SLC2A13: variants seen among roughly 807,000 people sequenced by gnomAD.
SLC2A13 encodes proton myo-inositol cotransporter.
Under a neutral mutation model 64.4 loss-of-function variants are expected in SLC2A13, and 32 were observed. The ratio of observed to expected loss-of-function variants is 0.50; its 90% CI spans 0.37 to 0.67. The LOEUF is 0.67. Among genes scored for constraint, SLC2A13 ranks in the 30% least tolerant of loss-of-function variants. The pLI, the probability that SLC2A13 is intolerant of heterozygous loss-of-function variation, is 0.00. For missense variants in SLC2A13, 743 were observed against 829.2 expected (o/e 0.90, Z 1.28); for synonymous variants, 338 against 327.1 (o/e 1.03, Z -0.36).
At chr12:39,987,789 C>T (rs1045289324) in intron 3 of SLC2A13, among the ~76,000 whole-genome samples, 5 of 151,994 alleles carry the variant, frequency 3.3e-5, no homozygotes, top group African/African-American at 7.2e-5. Context: ...TAATATAATG[C>T]TGTCATATAC....
At chr12:39,792,655 G>C (rs1372194595) in intron 7 of SLC2A13, among the ~76,000 whole-genome samples, 3 of 152,080 alleles carry the variant, frequency 2.0e-5, no homozygotes, top group Non-Finnish European at 4.4e-5. Context: ...ACATACTCAA[G>C]TCCTGCAGTT....
intron 3 of SLC2A13, among the ~76,000 whole-genome samples, chr12:39,952,230 C>T (rs1242201058): frequency 6.6e-6 from 1 of 152,094 alleles, no homozygotes; most frequent in Non-Finnish European, 1.5e-5. Context: ...GTTTCAGTTA[C>T]AATGTCACCT....
chr12:40,061,876 T>C (rs889816257), intron 1 of SLC2A13, among the ~76,000 whole-genome samples: 2 of 151,392 alleles, frequency 1.3e-5, no homozygotes, highest in Admixed American at 6.6e-5. Flanking sequence ...GATTAGTCAC[T>C]ACTCTTGAAA....
chr12:39,783,912 G>C (rs1038886586), intron 7 of SLC2A13, among the ~76,000 whole-genome samples: 2 of 152,128 alleles, frequency 1.3e-5, no homozygotes, highest in African/African-American at 4.8e-5. Flanking sequence ...AAAATCACAA[G>C]CATTCCTGTA....
intron 4 of SLC2A13, among the ~76,000 whole-genome samples, chr12:39,913,464 A>G (rs1565539134): frequency 6.6e-6 from 1 of 151,842 alleles, no homozygotes; most frequent in Non-Finnish European, 1.5e-5. Flanking sequence ...CAATAAGCAT[A>G]TATTTTTCAA....
At chr12:40,020,031 T>A (rs1365482381) in intron 3 of SLC2A13, among the ~76,000 whole-genome samples, 1 of 152,206 alleles carries the variant, frequency 6.6e-6, no homozygotes, top group African/African-American at 2.4e-5. Flanking sequence ...TACTGCTTAG[T>A]ACCAGAGGGT....
intron 7 of SLC2A13, among the ~76,000 whole-genome samples, chr12:39,821,321 A>G (rs1316885779): frequency 6.6e-6 from 1 of 151,996 alleles, no homozygotes; most frequent in Admixed American, 6.6e-5. Context: ...GAGGCAGGAG[A>G]ATGGCGTGAA....
intron 2 of SLC2A13, among the ~76,000 whole-genome samples, chr12:40,034,922 G>A (rs1456798678): frequency 1.3e-5 from 2 of 152,100 alleles, no homozygotes; most frequent in Non-Finnish European, 2.9e-5. Context: ...TAAATGCCAA[G>A]CACTACAGCT....
At chr12:39,901,784 C>T (rs1565532735) in intron 4 of SLC2A13, among the ~76,000 whole-genome samples, 3 of 137,026 alleles carry the variant, frequency 2.2e-5, no homozygotes, top group Non-Finnish European at 3.1e-5. Flanking sequence ...GTCAGTGTGG[C>T]GATTCCTCAG....
In SLC2A13 at chr12:40,048,004, C is replaced by T. The variant is rs751232271; in HGVS notation, c.716+47G>A. 2.0e-6 allele frequency: 3 copies of T among 1,527,384 alleles called. No homozygotes were observed. In the Admixed American group the frequency reaches 6.5e-5, roughly 33 times the overall value. 94.6% of individuals were successfully genotyped at this position (1,527,384 alleles called of 1,614,324 possible). A position where few individuals can be genotyped will look rare whatever the true frequency, so the allele number is the denominator to read the frequency against. On this transcript the variant is annotated intron_variant, in intron 2 of 9. Transcript: ENST00000280871. ...TGATTTCTCAATTTTTCTCCCCTTCCCCAAAATCAAGATTTGAAAAATTAA... is the reference window on the plus strand; with the variant it reads ...TGATTTCTCAATTTTTCTCCCCTTCTCCAAAATCAAGATTTGAAAAATTAA...
chr12:40,039,962 A>G (rs1349315976), intron 2 of SLC2A13, among the ~76,000 whole-genome samples: 1 of 152,246 alleles, frequency 6.6e-6, no homozygotes, highest in Non-Finnish European at 1.5e-5. Flanking sequence ...TCCATGCTCC[A>G]TACATTCACA....
intron 7 of SLC2A13, among the ~76,000 whole-genome samples, chr12:39,793,029 G>T (rs1941459102): frequency 6.6e-6 from 1 of 152,008 alleles, no homozygotes; most frequent in Non-Finnish European, 1.5e-5. Context: ...CATTCCTTGG[G>T]TCATAAAGAT....
intron 4 of SLC2A13, among the ~76,000 whole-genome samples, chr12:39,885,154 A>C (rs1379737271): frequency 6.6e-6 from 1 of 152,224 alleles, no homozygotes; most frequent in African/African-American, 2.4e-5. Flanking sequence ...CTCATGAGGC[A>C]AAAGAACTGA....
chr12:39,764,569 G>A lies in SLC2A13; in HGVS notation c.1611C>T (p.Pro537=). The A allele has an allele frequency of 6.2e-7, 1 of 1,609,478 alleles. No homozygotes were observed. The highest frequency in any genetic ancestry group is 1.1e-5 in the South Asian group (1 of 89,682). ...CATTTCCTGTACTTCTTGCCCAAAG[G>A]GGATATATTTCAGAATTCACAGTCC... The part of the protein sequence containing the change: ...MPWTVNSEIY[P]LWARSTGNAC... Residue 537 remains proline (P), a synonymous_variant, in exon 9 of 10, where the codon CCC becomes CCT. Transcript: ENST00000280871.
At chr12:39,933,025 A>G (rs1254166705) in intron 4 of SLC2A13, among the ~76,000 whole-genome samples, 2 of 152,084 alleles carry the variant, frequency 1.3e-5, no homozygotes, top group African/African-American at 4.8e-5. Flanking sequence ...CAGGAGTTCA[A>G]GACCAGCCTG....
intron 7 of SLC2A13, among the ~76,000 whole-genome samples, chr12:39,813,834 TG>T (rs1370181549): frequency 1.3e-5 from 2 of 152,204 alleles, no homozygotes; most frequent in Non-Finnish European, 2.9e-5. Context: ...GAATATTAAC[TG>T]AACAGAACCC....
At chr12:40,021,066 G>A (rs1947707450) in intron 3 of SLC2A13, among the ~76,000 whole-genome samples, 1 of 152,002 alleles carries the variant, frequency 6.6e-6, no homozygotes, top group Admixed American at 6.5e-5. Flanking sequence ...ATGGATTTAA[G>A]TACATCTTAG....
chr12:39,765,009 T>G (rs1406023439), intron 7 of SLC2A13, 151 bp from the exon 8 acceptor site: 1 of 879,926 alleles, frequency 1.1e-6, no homozygotes, highest in Non-Finnish European at 1.7e-6. Flanking sequence ...ATATACAGTA[T>G]TAGATATGCG....
At chr12:39,908,797 G>A (rs11612814) in intron 4 of SLC2A13, among the ~76,000 whole-genome samples, 48,421 of 151,676 alleles carry the variant, frequency 0.32, 8,384 homozygotes, top group Non-Finnish European at 0.39. Context: ...AAAAAGCAGG[G>A]TTTGGTATTT....
Sources: gnomAD v4.1 joint callset for allele counts (sites outside exome capture counted in the v4.1 genomes callset) on GRCh38, gnomAD v4.1.1 for gene constraint, MANE v1.5 for transcripts, NCBI Gene and HGNC (gene_info 2026-07-23, HGNC 2026-07-21) for gene names.